Variants in FBXO5 observed in about 807,000 individuals in gnomAD.
FBXO5 encodes the protein F-box only protein 5.
Under a neutral mutation model 43.3 loss-of-function variants are expected in FBXO5, and 8 were observed. The ratio of observed to expected loss-of-function variants is 0.18; its 90% CI spans 0.11 to 0.33. The LOEUF (loss-of-function observed/expected upper bound fraction) is 0.33, where lower values mean the gene tolerates loss of function less well. FBXO5 is among the 10% of genes least tolerant of loss of function. The pLI is 1.00. For missense variants in FBXO5, 491 were observed against 535.7 expected, an observed-to-expected ratio of 0.92 and a Z score of 0.82; for synonymous variants, 204 against 193.7, an observed-to-expected ratio of 1.05 and a Z score of -0.44.
At chr6:152,973,317 A>C in intron 2 of FBXO5, 181 bp from the exon 3 acceptor site, 1 of 548,250 alleles carries the variant, frequency 1.8e-6, no homozygotes, top group Admixed American at 3.1e-5. Flanking sequence ...AGGGCTCTGT[A>C]TTTTTAAAAA....
At position 152,975,579 on chromosome 6, in the gene FBXO5, C is replaced by G; in HGVS notation, c.146G>C (p.Cys49Ser). Reference sequence around the variant, plus strand: ...ATGAACATGGTTACAATTAAAATCACACTTCATTTTGACAGAAAGGGTAGA... The same window carrying G: ...ATGAACATGGTTACAATTAAAATCAGACTTCATTTTGACAGAAAGGGTAGA... ...ESSTLSVKMK[C>S]DFNCNHVHSG... Residue 49 changes from cysteine to serine, a missense_variant, in exon 2 of 5, where the codon TGT becomes TCT. Transcript: ENST00000229758. 6.2e-7 allele frequency: 1 copy of G among 1,608,498 alleles called. No homozygotes were observed. Among genetic ancestry groups the G allele is most frequent in the African/African-American group, 1.3e-5 (1 of 74,778 alleles).
intron 2 of FBXO5, among the ~76,000 whole-genome samples, chr6:152,974,691 C>CGGAG (rs1288954160): frequency 5.3e-5 from 8 of 152,090 alleles, no homozygotes; most frequent in Admixed American, 1.3e-4. Flanking sequence ...GGAGCACTTG[C>CGGAG]GGATTTTGGA....
chr6:152,979,563 T>C (rs1336301499), intron 1 of FBXO5, among the ~76,000 whole-genome samples: 1 of 152,240 alleles, frequency 6.6e-6, no homozygotes, highest in East Asian at 1.9e-4. Flanking sequence ...TATGTACACC[T>C]CACACTTAAA....
At position 152,975,147 on chromosome 6, in the gene FBXO5, G is replaced by A. The variant is rs772124976; in HGVS notation, c.578C>T (p.Pro193Leu). The change falls in exon 2 of 5, where the codon CCA becomes CTA. Residue 193 changes from proline (P) to leucine (L), a missense_variant. Pro to Leu is a moderately conservative substitution (Grantham distance 98, BLOSUM62 -3). Coordinates refer to ENST00000229758, the MANE Select transcript of FBXO5 (RefSeq NM_012177.5). ...PDQYPNKNLL[P>L]VLHFEKVVCS... ...AACCACTTTTTCAAAATGAAGAACT[G>A]GCAGCAAGTTTTTGTTGGGATATTG... 2 of 1,614,098 alleles carry A rather than the reference G, an allele frequency of 1.2e-6. No homozygotes were observed. The highest frequency in any genetic ancestry group is 1.7e-6 in the Non-Finnish European group (2 of 1,180,026).
At chr6:152,972,868 G>T (rs1778107136) in intron 3 of FBXO5, 178 bp downstream of exon 3, 1 of 448,784 alleles carries the variant, frequency 2.2e-6, no homozygotes, top group Non-Finnish European at 3.8e-6. Flanking sequence ...AAGAATCCAA[G>T]AAATAAATGT....
chr6:152,972,480 A>T, intron 3 of FBXO5, 26 bp from the exon 4 acceptor site: 1 of 1,480,688 alleles, frequency 6.8e-7, no homozygotes. Context: ...GTTTTAATAG[A>T]ATTTAGAAAT....
chr6:152,975,916 C>T (rs1360028284), intron 1 of FBXO5, among the ~76,000 whole-genome samples: 1 of 152,078 alleles, frequency 6.6e-6, no homozygotes, highest in Non-Finnish European at 1.5e-5. Flanking sequence ...TTGTCTATAA[C>T]TGATTGAGTA....
chr6:152,972,858 A>G, intron 3 of FBXO5, 188 bp downstream of exon 3: 1 of 443,552 alleles, frequency 2.3e-6, no homozygotes, highest in East Asian at 3.2e-5. Flanking sequence ...TATTTCTAGG[A>G]AGAATCCAAG....
chr6:152,983,386 T>A (rs561896450), upstream of FBXO5: 1 of 165,100 alleles, frequency 6.1e-6, no homozygotes, highest in South Asian at 1.9e-4. Flanking sequence ...CTCCTGCAAG[T>A]CCTAATCTCA....
chr6:152,977,639 T>C (rs772004613), intron 1 of FBXO5, among the ~76,000 whole-genome samples: 6 of 152,142 alleles, frequency 3.9e-5, no homozygotes, highest in Non-Finnish European at 8.8e-5. Flanking sequence ...AAGTAAAAAA[T>C]GCCAAGAGAT....
chr6:152,978,386 G>T (rs1394057319), intron 1 of FBXO5, among the ~76,000 whole-genome samples: 1 of 52,242 alleles, frequency 1.9e-5, no homozygotes, highest in Non-Finnish European at 4.0e-5. Flanking sequence ...TTGGGGGGGG[G>T]GGGGGGGCGG....
chr6:152,976,381 C>T (rs903045480), intron 1 of FBXO5, among the ~76,000 whole-genome samples: 45 of 152,276 alleles, frequency 3.0e-4, no homozygotes, highest in Non-Finnish European at 3.5e-4. Flanking sequence ...CTCCTGGTGA[C>T]CTTCTAATAT....
rs745770537 is a variant in FBXO5, at chr6:152,971,155, A to G, written c.*8T>C. On this transcript the variant is annotated 3_prime_UTR_variant, in exon 5 of 5. Coordinates refer to ENST00000229758, the MANE Select transcript of FBXO5 (RefSeq NM_012177.5). ...TTCATGATCAGTAACAATTGATTTA[A>G]TAAGAGATCACAATCTTCGTAAATT... 8 of 1,596,700 alleles carry G rather than the reference A, an allele frequency of 5.0e-6. No individual in the cohort carries two copies. In the East Asian group the frequency reaches 1.6e-4, roughly 31 times the overall value.
chr6:152,975,863 G>T (rs1359334408), intron 1 of FBXO5, among the ~76,000 whole-genome samples: 1 of 152,164 alleles, frequency 6.6e-6, no homozygotes, highest in Non-Finnish European at 1.5e-5. Flanking sequence ...AGGCACTTCA[G>T]AACAGACTGC....
At position 152,975,028 on chromosome 6, in the gene FBXO5, T is replaced by C. The variant is rs1483252798; in HGVS notation, c.697A>G (p.Asn233Asp). The C allele has an allele frequency of 6.2e-7, 1 of 1,614,168 alleles. No individual in the cohort carries two copies. Among genetic ancestry groups the C allele is most frequent in the Non-Finnish European group, 8.5e-7 (1 of 1,180,016 alleles). ...AGGCCCATTTTTCTGCCAATTATAT[T>C]CTGCAGTCTAAAATTTCCTCTGGCT... is the stretch of plus-strand genomic sequence containing the variant. ...IIARGNFRLQ[N>D]IIGRKMGLEC... Residue 233 changes from asparagine to aspartate, a missense_variant, in exon 2 of 5, where the codon AAT (asparagine) becomes GAT (aspartate). Coordinates refer to ENST00000229758, the MANE Select transcript of FBXO5 (RefSeq NM_012177.5).
Position 152,975,005 on chromosome 6 carries a change from G to A in FBXO5, c.720C>T (p.Gly240=). ...CGCTGAGAATATCTACACATTCTAG[G>A]CCCATTTTTCTGCCAATTATATTCT... is the stretch of plus-strand genomic sequence containing the variant. The part of the protein sequence containing the change: ...RLQNIIGRKM[G]LECVDILSEL... Residue 240 remains glycine, a synonymous_variant, in exon 2 of 5, where the codon GGC becomes GGT. Coordinates refer to ENST00000229758, the MANE Select transcript of FBXO5 (RefSeq NM_012177.5). 1 of 1,613,984 alleles carries A rather than the reference G, an allele frequency of 6.2e-7. No homozygotes were observed. The highest frequency in any genetic ancestry group is 8.5e-7 in the Non-Finnish European group (1 of 1,180,006).
intron 1 of FBXO5, among the ~76,000 whole-genome samples, chr6:152,980,695 G>C (rs1404949918): frequency 6.6e-6 from 1 of 152,160 alleles, no homozygotes; most frequent in East Asian, 1.9e-4. Flanking sequence ...ATAAATTCAA[G>C]GTCTGTTATT....
chr6:152,983,171 G>A (rs1006378679), upstream of FBXO5: 101 of 400,212 alleles, frequency 2.5e-4, no homozygotes, highest in Non-Finnish European at 4.3e-4. Flanking sequence ...GCCCTCGTCC[G>A]CGCCCAATTG....
chr6:152,975,414 C>T lies in FBXO5; in HGVS notation c.311G>A (p.Arg104Lys). The change falls in exon 2 of 5, where the codon AGG becomes AAG. Residue 104 changes from arginine (R) to lysine (K), a missense_variant. Arg to Lys is a conservative substitution (Grantham distance 26). Coordinates refer to ENST00000229758, the MANE Select transcript of FBXO5 (RefSeq NM_012177.5). Reference sequence around the variant, plus strand: ...GCTTTCAGTTTCAAGTTGTACAATCCTAGGGCTCACAATCGGTGACCCAAT... The same window carrying T: ...GCTTTCAGTTTCAAGTTGTACAATCTTAGGGCTCACAATCGGTGACCCAAT... ...SCIGSPIVSPRIVQLETESKR... is the reference protein window; with the variant it reads ...SCIGSPIVSPKIVQLETESKR... The T allele has an allele frequency of 6.2e-7, 1 of 1,613,908 alleles. No homozygotes were observed. Among genetic ancestry groups the T allele is most frequent in the Non-Finnish European group, 8.5e-7 (1 of 1,179,932 alleles).
Sources: gnomAD v4.1 joint callset for allele counts (sites outside exome capture counted in the v4.1 genomes callset) on GRCh38, gnomAD v4.1.1 for gene constraint, MANE v1.5 for transcripts, NCBI Gene and HGNC (gene_info 2026-07-23, HGNC 2026-07-21) for gene names.